DAB1: variants seen among roughly 807,000 people sequenced by gnomAD.
DAB1 encodes the protein disabled homolog 1.
In DAB1, 15 loss-of-function variants were observed where a neutral mutation model predicts 64.6. That is an observed-to-expected ratio of 0.23 (90% CI 0.16 to 0.36). The LOEUF is 0.36. Among genes scored for constraint, DAB1 ranks in the 10% least tolerant of loss-of-function variants. The pLI is 1.00. For synonymous variants in DAB1, 235 were observed against 251.9 expected (o/e 0.93, Z 0.64); for missense variants, 596 against 706.7 (o/e 0.84, Z 1.78).
intron 5 of DAB1, among the ~76,000 whole-genome samples, chr1:58,017,988 C>T (rs1450021486): frequency 6.6e-6 from 1 of 152,160 alleles, no homozygotes; most frequent in African/African-American, 2.4e-5. Context: ...ACACATTAAG[C>T]CATTTTCAGA....
chr1:57,585,953 G>T (rs1645374148), intron 7 of DAB1, among the ~76,000 whole-genome samples: 1 of 152,150 alleles, frequency 6.6e-6, no homozygotes, highest in Non-Finnish European at 1.5e-5. Flanking sequence ...TGGGCCAACT[G>T]GGCTCCTATT....
chr1:57,386,367 A>G (rs1190061026), intron 1 of DAB1, among the ~76,000 whole-genome samples: 12 of 28,160 alleles, frequency 4.3e-4, no homozygotes, highest in South Asian at 3.0e-3. Flanking sequence ...GCCCCTTGGG[A>G]AAAAAAAAAA....
chr1:57,620,836 G>T (rs1316621000), intron 7 of DAB1, among the ~76,000 whole-genome samples: 1 of 152,180 alleles, frequency 6.6e-6, no homozygotes, highest in Non-Finnish European at 1.5e-5. Flanking sequence ...CACACCTACT[G>T]CCCTAAATCA....
Position 57,010,552 on chromosome 1 carries a change from A to T in DAB1, c.*15+128T>A, listed in dbSNP as rs1001023992. 1.2e-5 allele frequency: 6 copies of T among 495,332 alleles called. No individual in the cohort carries two copies. In the Admixed American group the frequency reaches 1.6e-4, roughly 13 times the overall value. 30.7% of individuals were successfully genotyped at this position (495,332 alleles called of 1,614,324 possible). On this transcript the variant is annotated intron_variant, in intron 14 of 14. Transcript: ENST00000371236. ...TCAGGGAAGGAGCGATGGTGCAAAC[A>T]TCAGCAATACAGCTCAGGCAAGGAG...
intron 3 of DAB1, among the ~76,000 whole-genome samples, chr1:58,375,568 C>T (rs902883086): frequency 1.3e-5 from 2 of 149,344 alleles, no homozygotes; most frequent in African/African-American, 5.0e-5. Flanking sequence ...TGATGTGCTG[C>T]TGGATTCAGT....
chr1:57,411,936 T>C (rs1300225643), intron 1 of DAB1, among the ~76,000 whole-genome samples: 1 of 152,232 alleles, frequency 6.6e-6, no homozygotes, highest in East Asian at 1.9e-4. Flanking sequence ...TTTTTACAAA[T>C]TGAAGGTTTG....
intron 3 of DAB1, among the ~76,000 whole-genome samples, chr1:58,427,398 G>T (rs1644832108): frequency 6.6e-6 from 1 of 152,218 alleles, no homozygotes; most frequent in East Asian, 1.9e-4. Flanking sequence ...GGCTTTATTT[G>T]AACAGCACCA....
intron 7 of DAB1, among the ~76,000 whole-genome samples, chr1:57,506,615 G>A (rs1183383120): frequency 3.9e-5 from 6 of 152,318 alleles, no homozygotes; most frequent in Middle Eastern, 3.4e-3. Context: ...CACAAGGGAA[G>A]GGAACTCCTG....
intron 5 of DAB1, among the ~76,000 whole-genome samples, chr1:57,920,862 C>G (rs1421532041): frequency 6.6e-6 from 1 of 152,136 alleles, no homozygotes; most frequent in Non-Finnish European, 1.5e-5. Flanking sequence ...TTGGCACAAC[C>G]CTTTTGATGC....
At chr1:58,373,334 C>T (rs1026120019) in intron 3 of DAB1, among the ~76,000 whole-genome samples, 1 of 124,652 alleles carries the variant, frequency 8.0e-6, no homozygotes, top group African/African-American at 2.6e-5. Flanking sequence ...CCCCCCTCCC[C>T]ACCACAGTCC....
rs117205404 is a variant in DAB1 at position 58,015,370 on chromosome 1, T to C, written n.388-131208A>G. 9.9e-3 allele frequency among the ~76,000 whole-genome samples: 1,506 copies of C among 152,298 alleles called. 49 individuals are homozygous for C. Among genetic ancestry groups the C allele is most frequent in the East Asian group, 0.091 (470 of 5,166 alleles). ...CATTTTCCCATCTCCTCTTTCCATG[T>C]TGTCCCCCTCCCCCTAAACATGATA... On this transcript the variant is annotated intron_variant and non_coding_transcript_variant, in intron 5 of 20. Transcript: ENST00000485760.
rs949952541 is a variant in DAB1, at chr1:57,116,260, G to A, written c.306+20283C>T. The stretch of plus-strand genomic sequence containing the variant: ...AGGTGGATCACAAGTTCAGGAGTTC[G>A]AGACCAGCCTGACCAACATGGTGAA... On this transcript the variant is annotated intron_variant, in intron 4 of 14. Coordinates refer to ENST00000371236, the MANE Select transcript of DAB1 (RefSeq NM_001365792.1). 4.6e-5 allele frequency among the ~76,000 whole-genome samples: 7 copies of A among 151,712 alleles called. No homozygotes were observed. In the East Asian group the frequency reaches 7.8e-4, roughly 17 times the overall value.
intron 2 of DAB1, among the ~76,000 whole-genome samples, chr1:57,288,461 T>C (rs993400166): frequency 6.6e-6 from 1 of 152,150 alleles, no homozygotes; most frequent in African/African-American, 2.4e-5. Flanking sequence ...GATACCATTG[T>C]GAGTGTGGGG....
intron 7 of DAB1, among the ~76,000 whole-genome samples, chr1:57,442,861 G>A (rs1005484643): frequency 6.6e-6 from 1 of 152,172 alleles, no homozygotes; most frequent in Non-Finnish European, 1.5e-5. Flanking sequence ...TGAACATTTG[G>A]GGGATAGGGT....
At chr1:57,985,959 T>C (rs546039462) in intron 5 of DAB1, among the ~76,000 whole-genome samples, 1 of 152,164 alleles carries the variant, frequency 6.6e-6, no homozygotes, top group Non-Finnish European at 1.5e-5. Flanking sequence ...AGATAGGTAT[T>C]GTTATCCTTT....
intron 5 of DAB1, among the ~76,000 whole-genome samples, chr1:57,936,412 G>T (rs1190086796): frequency 6.6e-6 from 1 of 152,166 alleles, no homozygotes; most frequent in East Asian, 1.9e-4. Flanking sequence ...TTTATTTTGA[G>T]ACAGAGTCTT....
Position 58,093,428 on chromosome 1 carries a change from G to A in DAB1, n.387+57083C>T, listed in dbSNP as rs565228261. 4.6e-5 allele frequency among the ~76,000 whole-genome samples: 7 copies of A among 152,146 alleles called. No individual in the cohort carries two copies. The South Asian group carries it at 6.2e-4, about 14-fold the overall frequency. On this transcript the variant is annotated intron_variant and non_coding_transcript_variant, in intron 5 of 20. Coordinates refer to the DAB1 transcript ENST00000485760. ...AAGCAGAGGACGAGTGAGCCTTACCGCCTGATCTGTGCCTTCTGTTAGATC... is the reference window on the plus strand; with the variant it reads ...AAGCAGAGGACGAGTGAGCCTTACCACCTGATCTGTGCCTTCTGTTAGATC...
At chr1:57,788,964 A>G (rs2101855111) in intron 6 of DAB1, among the ~76,000 whole-genome samples, 1 of 152,254 alleles carries the variant, frequency 6.6e-6, no homozygotes, top group East Asian at 1.9e-4. Context: ...TGTCATCTCC[A>G]TGACCCCACT....
At chr1:57,179,157 A>C (rs1206657022) in intron 2 of DAB1, among the ~76,000 whole-genome samples, 1 of 152,112 alleles carries the variant, frequency 6.6e-6, no homozygotes, top group Non-Finnish European at 1.5e-5. Flanking sequence ...AAATGGGCAC[A>C]TGGGGTTTGG....
Sources: gnomAD v4.1 joint callset for allele counts (sites outside exome capture counted in the v4.1 genomes callset) on GRCh38, gnomAD v4.1.1 for gene constraint, MANE v1.5 for transcripts, NCBI Gene and HGNC (gene_info 2026-07-23, HGNC 2026-07-21) for gene names.